The following KNDC1 variants were observed in gnomAD, a reference collection of about 807,000 sequenced individuals.
KNDC1 encodes the protein kinase non-catalytic C-lobe domain containing 1, also known as kinase non-catalytic C-lobe domain-containing protein 1.
In KNDC1, 106 loss-of-function variants were observed where a neutral mutation model predicts 172.8. That is an observed-to-expected ratio of 0.61 (90% confidence interval 0.52 to 0.72). The LOEUF is 0.72. Among genes scored for constraint, KNDC1 ranks in the 30% least tolerant of loss-of-function variants. The pLI, the probability that KNDC1 is intolerant of heterozygous loss-of-function variation, is 0.00. For missense variants in KNDC1, 2,325 were observed against 2,394.5 expected (o/e 0.97, Z 0.61); for synonymous variants, 1,083 against 1,062.2 (o/e 1.02, Z -0.38).
At chr10:133,173,860 AGTC>A (rs1853447941) in intron 3 of KNDC1, 1 of 152,226 alleles carries the variant, frequency 6.6e-6, no homozygotes, top group Non-Finnish European at 1.5e-5. Flanking sequence ...TATTCCCAAC[AGTC>A]GTCTCTAAAC....
chr10:133,198,831 T>C lies in KNDC1; in HGVS notation c.2323T>C (p.Ser775Pro). 6.3e-7 allele frequency: 1 copy of C among 1,599,904 alleles called. No individual in the cohort carries two copies. Among genetic ancestry groups the C allele is most frequent in the South Asian group, 1.1e-5 (1 of 89,598 alleles). The change falls in exon 14 of 30, where the codon TCG (serine) becomes CCG (proline). Residue 775 changes from serine (S) to proline (P), a missense_variant. Transcript: ENST00000304613. ...APANQPEGAS[S>P]AAPGSPVPAP... ...AGCAAACCAGCCAGAGGGGGCCTCA[T>C]CGGCAGCTCCCGGCTCTCCAGTCCC... is the stretch of plus-strand genomic sequence containing the variant.
Position 133,198,629 on chromosome 10 carries a change from G to T in KNDC1, c.2121G>T (p.Arg707Ser). 1.2e-6 allele frequency: 2 copies of T among 1,605,024 alleles called. No individual in the cohort carries two copies. The highest frequency in any genetic ancestry group is 1.7e-5 in the Admixed American group (1 of 59,160). The change falls in exon 14 of 30, where the codon AGG becomes AGT. Residue 707 changes from arginine to serine, a missense_variant. Transcript: ENST00000304613. ...AGTCCGAGGAGAGGGGCGGCCAGAG[G>T]GAGGGAGAAGGTGAGGAGAAGCTCT... ...QEESEERGGQ[R>S]EGEGEEKLSL...
chr10:133,201,922 C>T, intron 17 of KNDC1, 24 bp downstream of exon 17: 2 of 1,516,250 alleles, frequency 1.3e-6, no homozygotes, highest in Non-Finnish European at 1.8e-6. Context: ...CTTGGCACTG[C>T]CGGGTGGGGC....
intron 1 of KNDC1, 65 bp from the exon 2 acceptor site, chr10:133,167,316 C>T (rs993275946): frequency 4.2e-5 from 62 of 1,466,054 alleles, no homozygotes; most frequent in Non-Finnish European, 5.5e-5. Context: ...GGAATCGTCT[C>T]GGTGGGGGTG....
In KNDC1 at chr10:133,189,137, C is replaced by T. The variant is rs544322764; in HGVS notation, c.1442-461C>T. The stretch of plus-strand genomic sequence containing the variant: ...TAGCCCTGCCAGACATCAGGGCAGA[C>T]GGACGGTGCATCTGAGACGTAAAAA... On this transcript the variant is annotated intron_variant, in intron 7 of 29. Coordinates refer to ENST00000304613, the MANE Select transcript of KNDC1 (RefSeq NM_152643.8). Among the ~76,000 whole-genome samples the T allele has an allele frequency of 8.5e-5, 13 of 152,274 alleles. No individual in the cohort carries two copies. The South Asian group carries it at 1.5e-3, about 17-fold the overall frequency.
At chr10:133,178,315 G>A (rs1376810281) in intron 3 of KNDC1, among the ~76,000 whole-genome samples, 1 of 152,208 alleles carries the variant, frequency 6.6e-6, no homozygotes, top group South Asian at 2.1e-4. Context: ...TTTGGGTGAG[G>A]ACAAGGCTTT....
intron 3 of KNDC1, chr10:133,174,284 G>C (rs1190264416): frequency 6.6e-6 from 1 of 151,390 alleles, no homozygotes; most frequent in Non-Finnish European, 1.5e-5. Flanking sequence ...AGGTTGAGTA[G>C]GGTTCACTGA....
intron 3 of KNDC1, among the ~76,000 whole-genome samples, chr10:133,179,921 C>G (rs1412705555): frequency 6.6e-6 from 1 of 152,258 alleles, no homozygotes; most frequent in Non-Finnish European, 1.5e-5. Context: ...CCACTCGGTG[C>G]TCCCAGGACA....
chr10:133,171,715 A>G (rs57742709), intron 3 of KNDC1, among the ~76,000 whole-genome samples: 8,586 of 152,202 alleles, frequency 0.056, 770 homozygotes, highest in African/African-American at 0.19. Context: ...AGTTCAAGCA[A>G]TCCTCCCACG....
intron 29 of KNDC1, among the ~76,000 whole-genome samples, chr10:133,220,762 G>T (rs1434364953): frequency 8.4e-6 from 1 of 119,754 alleles, no homozygotes; most frequent in Non-Finnish European, 1.8e-5. Context: ...GGTGAGGAGG[G>T]GCTCAGGCGG....
intron 1 of KNDC1, among the ~76,000 whole-genome samples, chr10:133,162,949 C>T (rs1027446933): frequency 6.6e-6 from 1 of 152,224 alleles, no homozygotes; most frequent in Admixed American, 6.5e-5. Flanking sequence ...AGGAAGTGAC[C>T]AGGTTGGATC....
At chr10:133,164,591 C>T (rs1356840007) in intron 1 of KNDC1, among the ~76,000 whole-genome samples, 1 of 152,240 alleles carries the variant, frequency 6.6e-6, no homozygotes, top group African/African-American at 2.4e-5. Context: ...AAACTCCTGT[C>T]GAGGCCACCT....
In KNDC1 at chr10:133,186,093, G is replaced by C; in HGVS notation, c.745G>C (p.Glu249Gln). Residue 249 changes from glutamate to glutamine, a missense_variant, in exon 6 of 30, where the codon GAG becomes CAG. Glu to Gln is a conservative substitution (Grantham distance 29). Transcript: ENST00000304613. Reference sequence around the variant, plus strand: ...GCCGACCCCCGAAGGCCCGGAGTCTGAGACGAGCCGGGGCCCCAGAGCCTC... The same window carrying C: ...GCCGACCCCCGAAGGCCCGGAGTCTCAGACGAGCCGGGGCCCCAGAGCCTC... The part of the protein sequence containing the change: ...VLPTPEGPES[E>Q]TSRGPRASPT... The C allele has an allele frequency of 6.3e-7, 1 of 1,599,304 alleles. No individual in the cohort carries two copies. Among genetic ancestry groups the C allele is most frequent in the Non-Finnish European group, 8.5e-7 (1 of 1,173,956 alleles).
At position 133,182,965 on chromosome 10, in the gene KNDC1, CACAGGCGGT is replaced by C. The variant is rs1186531035; in HGVS notation, c.361-378_361-370del. Among the ~76,000 whole-genome samples the C allele has an allele frequency of 1.3e-4, 20 of 149,230 alleles. No homozygotes were observed. In the East Asian group the frequency reaches 3.0e-3, roughly 22 times the overall value. ...GCGGTGTGGGCACAGGCGGTGTGGG[CACAGGCGGT>C]GTGGGCACAGGCGGCGTGGGCACAG... On this transcript the variant is annotated intron_variant, in intron 3 of 29. Transcript: ENST00000304613.
intron 3 of KNDC1, among the ~76,000 whole-genome samples, chr10:133,183,104 G>A (rs369819824): frequency 4.0e-5 from 6 of 149,634 alleles, no homozygotes; most frequent in Admixed American, 1.3e-4. Context: ...CGTGGGTGGC[G>A]GCAGGGGCGG....
chr10:133,203,480 C>T (rs1009729785), intron 17 of KNDC1, among the ~76,000 whole-genome samples: 2 of 152,254 alleles, frequency 1.3e-5, no homozygotes, highest in African/African-American at 2.4e-5. Flanking sequence ...CTTTCACATC[C>T]GCAGCCCAAA....
chr10:133,162,697 G>A (rs766536363), intron 1 of KNDC1, among the ~76,000 whole-genome samples: 29 of 152,366 alleles, frequency 1.9e-4, no homozygotes, highest in Admixed American at 1.7e-3. Flanking sequence ...ACTGAAGAGC[G>A]GACAGCGGCT....
At chr10:133,201,382 G>A (rs922080623) in intron 16 of KNDC1, 119 bp from the exon 17 acceptor site, 12 of 1,131,068 alleles carry the variant, frequency 1.1e-5, no homozygotes, top group African/African-American at 3.2e-5. Context: ...CCCGTGGTGG[G>A]CGGGTGCAAG....
At position 133,209,920 on chromosome 10, in the gene KNDC1, C is replaced by T. The variant is rs1486726691; in HGVS notation, c.3795-691C>T. The stretch of plus-strand genomic sequence containing the variant: ...GACAGTCCCAGACCTGCAGGCGGGG[C>T]CCTGGTCAGTGTCTCCTGAGGGTGG... On this transcript the variant is annotated intron_variant, in intron 20 of 29. Coordinates refer to ENST00000304613, the MANE Select transcript of KNDC1 (RefSeq NM_152643.8). The surrounding 1 kb of genome is among the most constrained non-coding windows in gnomAD (Gnocchi z 4.9). Among the ~76,000 whole-genome samples the T allele has an allele frequency of 6.6e-6, 1 of 152,208 alleles. No homozygotes were observed. Among genetic ancestry groups the T allele is most frequent in the Admixed American group, 6.5e-5 (1 of 15,304 alleles).
Sources: gnomAD v4.1 joint callset for allele counts (sites outside exome capture counted in the v4.1 genomes callset) on GRCh38, gnomAD v4.1.1 for gene constraint, Gnocchi (gnomAD v3.1) non-coding constraint, MANE v1.5 for transcripts, NCBI Gene and HGNC (gene_info 2026-07-23, HGNC 2026-07-21) for gene names.